The following SESN1 variants were observed in gnomAD, a reference collection of about 807,000 sequenced individuals.
SESN1 encodes the protein sestrin 1.
SESN1 carries 30 observed loss-of-function variants against 59.3 expected under a neutral mutation model. The observed-to-expected ratio is 0.51, with a 90% CI of 0.38 to 0.69. The LOEUF (loss-of-function observed/expected upper bound fraction) is 0.69. Ranked by LOEUF, SESN1 falls within the 30% of genes least tolerant of loss-of-function variation. The probability of loss-of-function intolerance (pLI) is 0.00; values close to 1 mark genes in which losing one functional copy is unlikely to be tolerated. For missense variants in SESN1, 566 were observed against 673.0 expected (o/e 0.84, Z 1.76); for synonymous variants, 197 against 219.9 (o/e 0.90, Z 0.92).
At chr6:109,008,695 T>C in intron 1 of SESN1, 1 of 798,384 alleles carries the variant, frequency 1.3e-6, no homozygotes, top group Non-Finnish European at 1.5e-6. Flanking sequence ...AACTTTCAAA[T>C]GGTTTCCTAT....
intron 1 of SESN1, among the ~76,000 whole-genome samples, chr6:109,030,899 G>A (rs1780173120): frequency 6.6e-6 from 1 of 152,164 alleles, no homozygotes. Context: ...GGTCTGCTCT[G>A]ACTTCAGGTC....
In SESN1 at chr6:109,045,023, C is replaced by CA. The variant is rs915797821; in HGVS notation, c.280-42681dup. Among the ~76,000 whole-genome samples, 299 of 140,852 alleles carry CA rather than the reference C, an allele frequency of 2.1e-3. 1 individual carries two copies. Among genetic ancestry groups the CA allele is most frequent in the South Asian group, 8.6e-3 (38 of 4,442 alleles). The allele number at this position is 140,852 out of a possible 152,430, so 92.4% of individuals were successfully genotyped here. ...GGGCAACAAGAGCGAGACTCCATTT[C>CA]AAAAAAAAAAAAGCTGAACTCATCA... On this transcript the variant is annotated intron_variant, in intron 1 of 9. Transcript: ENST00000436639.
intron 1 of SESN1, among the ~76,000 whole-genome samples, chr6:109,093,321 C>G (rs1303983643): frequency 6.6e-6 from 1 of 152,022 alleles, no homozygotes; most frequent in Non-Finnish European, 1.5e-5. Flanking sequence ...TTATATAATT[C>G]TCTTCTTGAA....
intron 1 of SESN1, among the ~76,000 whole-genome samples, chr6:109,092,134 C>T (rs776048669): frequency 6.6e-6 from 1 of 152,202 alleles, no homozygotes; most frequent in African/African-American, 2.4e-5. Flanking sequence ...ATGAAAGAGT[C>T]TTGAAATATA....
intron 1 of SESN1, among the ~76,000 whole-genome samples, chr6:109,023,144 C>G (rs935484015): frequency 5.3e-5 from 8 of 152,336 alleles, no homozygotes; most frequent in African/African-American, 1.9e-4. Flanking sequence ...TAACATCTCT[C>G]AATATATCTT....
intron 1 of SESN1, among the ~76,000 whole-genome samples, chr6:109,053,637 T>A (rs1562469432): frequency 1.3e-5 from 2 of 152,162 alleles, no homozygotes; most frequent in African/African-American, 4.8e-5. Flanking sequence ...AAAGCCCTCA[T>A]GGGCCACATG....
In SESN1 at chr6:108,985,388, TC is replaced by T. The variant is rs1456279171; in HGVS notation, c.*2155del. ...CCTCTGGTTGGGGAAGGTTTTGATA[TC>T]CCCAGTGTAATGTACCTTCCCTAAT... On this transcript the variant is annotated 3_prime_UTR_variant, in exon 10 of 10. Coordinates refer to ENST00000436639, the MANE Select transcript of SESN1 (RefSeq NM_014454.3). Among the ~76,000 whole-genome samples the T allele has an allele frequency of 6.6e-6, 1 of 152,156 alleles. No individual in the cohort carries two copies. Among genetic ancestry groups the T allele is most frequent in the Admixed American group, 6.5e-5 (1 of 15,278 alleles).
intron 8 of SESN1, among the ~76,000 whole-genome samples, chr6:108,990,377 C>T (rs1291260346): frequency 6.6e-6 from 1 of 152,160 alleles, no homozygotes; most frequent in African/African-American, 2.4e-5. Flanking sequence ...GTTCTAGGAC[C>T]AGCTTGCTTG....
chr6:109,036,762 T>C (rs183396723), intron 1 of SESN1, among the ~76,000 whole-genome samples: 234 of 152,336 alleles, frequency 1.5e-3, no homozygotes, highest in African/African-American at 5.1e-3. Context: ...TTGTTTCCAG[T>C]GGCGCTATTA....
chr6:109,015,420 T>C (rs1779915270), intron 1 of SESN1, among the ~76,000 whole-genome samples: 1 of 152,216 alleles, frequency 6.6e-6, no homozygotes, highest in Non-Finnish European at 1.5e-5. Context: ...AGACACTGCC[T>C]GTGTCTGACA....
intron 5 of SESN1, among the ~76,000 whole-genome samples, chr6:108,995,031 G>A (rs1269980416): frequency 6.6e-6 from 1 of 152,018 alleles, no homozygotes; most frequent in Non-Finnish European, 1.5e-5. Flanking sequence ...AGAATATAGG[G>A]AAAATATTCC....
intron 1 of SESN1, among the ~76,000 whole-genome samples, chr6:109,082,567 TCA>T (rs1336501634): frequency 2.6e-5 from 4 of 152,156 alleles, no homozygotes; most frequent in Non-Finnish European, 5.9e-5. Flanking sequence ...GTGCACTTGA[TCA>T]CCTGGATGAT....
At chr6:109,036,024 G>A (rs1288686992) in intron 1 of SESN1, among the ~76,000 whole-genome samples, 1 of 152,046 alleles carries the variant, frequency 6.6e-6, no homozygotes, top group Non-Finnish European at 1.5e-5. Flanking sequence ...AAGACTTTCA[G>A]AAACCCTCAA....
intron 1 of SESN1, among the ~76,000 whole-genome samples, chr6:109,008,211 T>G (rs555731199): frequency 6.6e-6 from 1 of 152,292 alleles, no homozygotes; most frequent in African/African-American, 2.4e-5. Flanking sequence ...CACACAAACA[T>G]CAGCAGAAAT....
chr6:108,994,698 C>CTTTT (rs11395949), intron 5 of SESN1, 89 bp from the exon 6 acceptor site: 57 of 292,978 alleles, frequency 1.9e-4, no homozygotes, highest in African/African-American at 3.4e-4. Flanking sequence ...GAATTTATAT[C>CTTTT]TTTTTTTTTT....
intron 1 of SESN1, among the ~76,000 whole-genome samples, chr6:109,005,856 T>C (rs1428102042): frequency 6.6e-6 from 1 of 152,218 alleles, no homozygotes; most frequent in Non-Finnish European, 1.5e-5. Context: ...GAGTCTTTTG[T>C]TATAGATTCT....
intron 1 of SESN1, among the ~76,000 whole-genome samples, chr6:109,048,208 C>T (rs1227951530): frequency 6.6e-6 from 1 of 151,986 alleles, no homozygotes; most frequent in Non-Finnish European, 1.5e-5. Flanking sequence ...TTTTGTCTTC[C>T]AAGATCACAA....
chr6:109,045,195 C>T (rs1780408233), intron 1 of SESN1, among the ~76,000 whole-genome samples: 1 of 152,132 alleles, frequency 6.6e-6, no homozygotes, highest in Non-Finnish European at 1.5e-5. Context: ...AACCTCTTGT[C>T]AAGTTCTGAA....
chr6:109,024,055 T>C (rs1261689164), intron 1 of SESN1, among the ~76,000 whole-genome samples: 4 of 152,150 alleles, frequency 2.6e-5, no homozygotes, highest in African/African-American at 7.2e-5. Context: ...ACTATTGATA[T>C]AGCAACATTT....
Sources: allele counts gnomAD v4.1 joint callset (sites outside exome capture counted in the v4.1 genomes callset), GRCh38; gene constraint gnomAD v4.1.1; transcripts MANE v1.5; gene names NCBI Gene and HGNC (gene_info 2026-07-23, HGNC 2026-07-21).